MROH1: variants seen among roughly 807,000 people sequenced by gnomAD.
MROH1 encodes maestro heat like repeat family member 1, also known as maestro heat-like repeat-containing protein family member 1.
A neutral mutation model predicts 116.5 loss-of-function variants in MROH1; 117 were observed. The ratio of observed to expected loss-of-function variants is 1.00; its 90% CI spans 0.86 to 1.17. MROH1 has a LOEUF of 1.17. Among genes scored for constraint, MROH1 ranks in the 50% most tolerant of loss-of-function variants. The pLI is 0.00. For missense variants in MROH1, 1,873 were observed against 1,338.5 expected, an observed-to-expected ratio of 1.40 and a Z score of -6.23; for synonymous variants, 921 against 583.9, an observed-to-expected ratio of 1.58 and a Z score of -8.32.
intron 7 of MROH1, among the ~76,000 whole-genome samples, chr8:144,188,448 AATTTTTTT>A (rs377676954): frequency 9.2e-6 from 1 of 108,840 alleles, no homozygotes; most frequent in Non-Finnish European, 1.7e-5. Context: ...ACCACTGCCC[AATTTTTTT>A]TTTTTTTTTT....
At chr8:144,170,187 G>A (rs900497362) in intron 4 of MROH1, among the ~76,000 whole-genome samples, 2 of 152,326 alleles carry the variant, frequency 1.3e-5, no homozygotes, top group Non-Finnish European at 2.9e-5. Flanking sequence ...AGAGAGGAGG[G>A]CAGAGCAGAT....
chr8:144,200,401 G>A, intron 11 of MROH1, 27 bp from the exon 12 acceptor site: 2 of 1,515,342 alleles, frequency 1.3e-6, no homozygotes, highest in East Asian at 2.5e-5. Context: ...ATGACATGGA[G>A]CCTAATCTGT....
chr8:144,187,201 A>G (rs898559576), intron 7 of MROH1, among the ~76,000 whole-genome samples: 9 of 152,190 alleles, frequency 5.9e-5, no homozygotes, highest in Non-Finnish European at 1.2e-4. Flanking sequence ...GCTTGAACCC[A>G]GGAGTTTGAC....
At chr8:144,157,820 G>C (rs1818526872) in intron 1 of MROH1, among the ~76,000 whole-genome samples, 1 of 151,044 alleles carries the variant, frequency 6.6e-6, no homozygotes, top group Admixed American at 6.6e-5. Flanking sequence ...TGGGACTACA[G>C]GTGGGTGCCA....
intron 37 of MROH1, 103 bp from the exon 38 acceptor site, chr8:144,259,808 G>C: frequency 1.4e-6 from 1 of 702,920 alleles, no homozygotes; most frequent in Non-Finnish European, 2.6e-6. Flanking sequence ...ACCTCTGTCT[G>C]CCACACCGGC....
chr8:144,187,096 C>CAAAAA (rs142746653), intron 7 of MROH1, among the ~76,000 whole-genome samples: 3 of 117,994 alleles, frequency 2.5e-5, no homozygotes, highest in Non-Finnish European at 3.7e-5. Context: ...AGACTGTCTC[C>CAAAAA]AAAAAAAAAA....
chr8:144,261,718 G>T lies in MROH1; in HGVS notation c.4904G>T (p.Gly1635Val). The T allele has an allele frequency of 1.4e-6, 1 of 720,798 alleles. No homozygotes were observed. The allele number at this position is 720,798 out of a possible 1,614,324, so 44.7% of individuals were successfully genotyped here. Residue 1635 changes from glycine to valine, a missense_variant, in exon 44 of 44, where the codon GGC becomes GTC. Coordinates refer to ENST00000326134, the MANE Select transcript of MROH1 (RefSeq NM_032450.3). ...EVRTRAAEAL[G>V]RLVKLA is the part of the protein sequence containing the mutation. Reference sequence around the variant, plus strand: ...CGGACGAGGGCTGCTGAGGCCCTGGGCCGCCTGGTGAAGCTCGCCTAAGGC... The same window carrying T: ...CGGACGAGGGCTGCTGAGGCCCTGGTCCGCCTGGTGAAGCTCGCCTAAGGC...
chr8:144,250,442 C>T (rs892433722), intron 33 of MROH1, 76 bp downstream of exon 33: 23 of 706,002 alleles, frequency 3.3e-5, no homozygotes, highest in East Asian at 1.9e-4. Flanking sequence ...CCCGAGCCCT[C>T]CACCCGGCTC....
chr8:144,218,234 C>T (rs1043558530), intron 12 of MROH1, among the ~76,000 whole-genome samples: 16 of 152,140 alleles, frequency 1.1e-4, no homozygotes, highest in African/African-American at 3.1e-4. Context: ...GAACATTACC[C>T]GAGATGGACT....
chr8:144,247,866 C>T (rs1842164383), intron 31 of MROH1, among the ~76,000 whole-genome samples, 187 bp downstream of exon 31: 1 of 152,264 alleles, frequency 6.6e-6, no homozygotes, highest in Non-Finnish European at 1.5e-5. Context: ...TCACCCACAC[C>T]CGCCTACGCT....
At chr8:144,200,070 C>G (rs929818955) in intron 11 of MROH1, among the ~76,000 whole-genome samples, 2 of 152,152 alleles carry the variant, frequency 1.3e-5, no homozygotes, top group Admixed American at 6.5e-5. Flanking sequence ...GCTCGAGTCC[C>G]CTTGAGCCTT....
chr8:144,215,952 C>T (rs1325856149), intron 12 of MROH1, among the ~76,000 whole-genome samples: 13 of 151,276 alleles, frequency 8.6e-5, no homozygotes, highest in Admixed American at 4.6e-4. Context: ...TTTGGGAGGC[C>T]GAGGCACGGA....
At chr8:144,215,561 G>T (rs1194303046) in intron 12 of MROH1, among the ~76,000 whole-genome samples, 1 of 152,148 alleles carries the variant, frequency 6.6e-6, no homozygotes, top group African/African-American at 2.4e-5. Flanking sequence ...TGCATCTGAG[G>T]TTTCTTCTCA....
chr8:144,261,198 G>A lies in MROH1; in HGVS notation c.4756G>A (p.Ala1586Thr), dbSNP rs1425350174. The A allele has an allele frequency of 1.6e-5, 12 of 765,770 alleles. No individual in the cohort carries two copies. The Admixed American group carries it at 2.0e-4, about 13-fold the overall frequency. The allele number at this position is 765,770 out of a possible 1,614,324, so 47.4% of individuals were successfully genotyped here. The change falls in exon 42 of 44, where the codon GCT becomes ACT. Residue 1586 changes from alanine (A) to threonine (T), a missense_variant. Coordinates refer to ENST00000326134, the MANE Select transcript of MROH1 (RefSeq NM_032450.3). ...FKSSWENVRAAAPLFTGFLVL... is the reference protein window; with the variant it reads ...FKSSWENVRATAPLFTGFLVL... Reference sequence around the variant, plus strand: ...GAGCAGCTGGGAGAACGTCCGAGCTGCTGCACCCCTGTTCACCGGTAAGCA... The same window carrying A: ...GAGCAGCTGGGAGAACGTCCGAGCTACTGCACCCCTGTTCACCGGTAAGCA...
intron 2 of MROH1, among the ~76,000 whole-genome samples, chr8:144,162,921 T>C (rs1212700885): frequency 1.4e-5 from 2 of 146,356 alleles, no homozygotes; most frequent in Admixed American, 6.8e-5. Flanking sequence ...CAGAGTTTCA[T>C]CATATTGGCC....
chr8:144,240,534 G>C, intron 19 of MROH1, 36 bp from the exon 20 acceptor site: 1 of 714,246 alleles, frequency 1.4e-6, no homozygotes, highest in Non-Finnish European at 2.6e-6. Flanking sequence ...GTGAGGGGTC[G>C]GGCTCCCAGC....
intron 12 of MROH1, among the ~76,000 whole-genome samples, chr8:144,209,101 T>C (rs182317681): frequency 1.7e-3 from 258 of 151,094 alleles, no homozygotes; most frequent in African/African-American, 5.9e-3. Flanking sequence ...TTCGCCATGT[T>C]AGTCAGGCTG....
intron 14 of MROH1, among the ~76,000 whole-genome samples, chr8:144,223,638 T>C (rs1429713114): frequency 1.3e-5 from 2 of 152,194 alleles, no homozygotes; most frequent in Non-Finnish European, 2.9e-5. Context: ...TTGGGGCTTT[T>C]CTATTTAAGA....
Position 144,241,113 on chromosome 8 carries a change from T to TGG in MROH1, c.2055+5_2055+6dup, listed in dbSNP as rs1840896877. On this transcript the variant is annotated splice_region_variant and intron_variant, in intron 21 of 43. Transcript: ENST00000326134. ...TACCAGGAGGAGGCAGAACGCGAGG[T>TGG]GGGGCCGCTTTCCCTGCAGAAGCCC... is the stretch of plus-strand genomic sequence containing the variant. 1 of 754,364 alleles carries TGG rather than the reference T, an allele frequency of 1.3e-6. No individual in the cohort carries two copies. Among genetic ancestry groups the TGG allele is most frequent in the Non-Finnish European group, 2.5e-6 (1 of 406,466 alleles). The allele number at this position is 754,364 out of a possible 1,614,324, so 46.7% of individuals were successfully genotyped here. A position where few individuals can be genotyped will look rare whatever the true frequency, so the allele number is the denominator to read the frequency against.
Sources: allele counts gnomAD v4.1 joint callset (sites outside exome capture counted in the v4.1 genomes callset), GRCh38; gene constraint gnomAD v4.1.1; transcripts MANE v1.5; gene names NCBI Gene and HGNC (gene_info 2026-07-23, HGNC 2026-07-21).